DCAF17: variants seen among roughly 807,000 people sequenced by gnomAD.
DCAF17 encodes the protein DDB1 and CUL4 associated factor 17, also known as DDB1- and CUL4-associated factor 17.
DCAF17 carries 48 observed loss-of-function variants against 66.0 expected under a neutral mutation model. That is an observed-to-expected ratio of 0.73 (90% CI 0.58 to 0.92). The LOEUF (loss-of-function observed/expected upper bound fraction) is 0.92, where lower values mean the gene tolerates loss of function less well. Ranked by LOEUF, DCAF17 falls within the 40% of genes least tolerant of loss-of-function variation. The pLI is 0.00. For missense variants in DCAF17, 562 were observed against 622.8 expected (o/e 0.90, Z 1.04); for synonymous variants, 206 against 214.6 (o/e 0.96, Z 0.35).
intron 6 of DCAF17, among the ~76,000 whole-genome samples, chr2:171,455,042 T>C (rs557882558): frequency 9.2e-5 from 14 of 152,192 alleles, no homozygotes; most frequent in African/African-American, 3.4e-4. Flanking sequence ...GATAAACATG[T>C]GTCATGGGGG....
intron 8 of DCAF17, among the ~76,000 whole-genome samples, chr2:171,459,394 C>A (rs1695449230): frequency 6.6e-6 from 1 of 152,168 alleles, no homozygotes; most frequent in Admixed American, 6.6e-5. Context: ...GTTCAGAGTT[C>A]ATCTCAGGAA....
chr2:171,482,527 G>T lies in DCAF17; in HGVS notation c.*1413G>T, dbSNP rs533336462. The T allele has an allele frequency of 4.4e-6, 2 of 454,048 alleles. No individual in the cohort carries two copies. The highest frequency in any genetic ancestry group is 8.8e-6 in the Non-Finnish European group (2 of 226,774). 28.1% of individuals were successfully genotyped at this position (454,048 alleles called of 1,614,324 possible). ...TCTTGAAAAACAAGACCAGTAAGAG[G>T]CCAGTGAAAGTACTAAAGAAAGAAA... On this transcript the variant is annotated 3_prime_UTR_variant, in exon 14 of 14. Coordinates refer to ENST00000375255, the MANE Select transcript of DCAF17 (RefSeq NM_025000.4).
chr2:171,454,634 C>T (rs1695144002), intron 6 of DCAF17, among the ~76,000 whole-genome samples: 1 of 152,018 alleles, frequency 6.6e-6, no homozygotes, highest in South Asian at 2.1e-4. Context: ...CAGTGGCTCA[C>T]ACCTGTAATT....
At position 171,458,484 on chromosome 2, in the gene DCAF17, C is replaced by T. The variant is rs1427827976; in HGVS notation, c.838+7C>T. 6.3e-7 allele frequency: 1 copy of T among 1,595,574 alleles called. No homozygotes were observed. Among genetic ancestry groups the T allele is most frequent in the South Asian group, 1.1e-5 (1 of 90,724 alleles). ...TGTAATATTAAAATCACAGGTATGG[C>T]TACTCTATAGTATTTTTTCACCTTA... is the stretch of plus-strand genomic sequence containing the variant. On this transcript the variant is annotated splice_region_variant and intron_variant, in intron 8 of 13. Coordinates refer to ENST00000375255, the MANE Select transcript of DCAF17 (RefSeq NM_025000.4).
intron 6 of DCAF17, among the ~76,000 whole-genome samples, chr2:171,454,672 C>T (rs1423023157): frequency 1.3e-5 from 2 of 151,858 alleles, no homozygotes; most frequent in East Asian, 1.9e-4. Flanking sequence ...TGAGGCAGGC[C>T]GGTCATTTGA....
Position 171,449,859 on chromosome 2 carries a change from T to C in DCAF17, c.459-20T>C, listed in dbSNP as rs1694847352. On this transcript the variant is annotated intron_variant, in intron 4 of 13. Coordinates refer to ENST00000375255, the MANE Select transcript of DCAF17 (RefSeq NM_025000.4). ...GGAAACTGACCCAAATAAATAAACTTCTCTTCATTCTTTTAAAAGATACTT... is the reference window on the plus strand; with the variant it reads ...GGAAACTGACCCAAATAAATAAACTCCTCTTCATTCTTTTAAAAGATACTT... The C allele has an allele frequency of 1.9e-6, 3 of 1,603,020 alleles. No individual in the cohort carries two copies. Among genetic ancestry groups the C allele is most frequent in the African/African-American group, 1.3e-5 (1 of 74,716 alleles).
chr2:171,458,128 A>G, intron 7 of DCAF17, 53 bp downstream of exon 7: 2 of 1,516,174 alleles, frequency 1.3e-6, no homozygotes, highest in South Asian at 2.3e-5. Flanking sequence ...TTTCGACTAA[A>G]GTATGATTTT....
In DCAF17 at chr2:171,481,307, G is replaced by GT. The variant is rs1238447911; in HGVS notation, c.*199dup. ...GGTGAGGACTTCATTTTTTTTAAAG[G>GT]TTTTTTAGAATACTGTTCCAAGAAG... On this transcript the variant is annotated 3_prime_UTR_variant, in exon 14 of 14. Coordinates refer to ENST00000375255, the MANE Select transcript of DCAF17 (RefSeq NM_025000.4). The GT allele has an allele frequency of 2.8e-6, 2 of 714,872 alleles. No individual in the cohort carries two copies. Among genetic ancestry groups the GT allele is most frequent in the African/African-American group, 1.8e-5 (1 of 57,042 alleles). 44.3% of individuals were successfully genotyped at this position (714,872 alleles called of 1,614,324 possible). A position where few individuals can be genotyped will look rare whatever the true frequency, so the allele number is the denominator to read the frequency against.
At chr2:171,469,691 G>A (rs116027708) in intron 9 of DCAF17, among the ~76,000 whole-genome samples, 56 of 152,268 alleles carry the variant, frequency 3.7e-4, no homozygotes, top group African/African-American at 1.3e-3. Context: ...ACTCTTAAAG[G>A]AAACATGTAG....
At position 171,435,241 on chromosome 2, in the gene DCAF17, T is replaced by C; in HGVS notation, c.230+55T>C. ...TTCACCTCACTGTTGATCTTAACTATAATTTGTATAGAACCACATGCCTAC... is the reference window on the plus strand; with the variant it reads ...TTCACCTCACTGTTGATCTTAACTACAATTTGTATAGAACCACATGCCTAC... On this transcript the variant is annotated intron_variant, in intron 2 of 13. Coordinates refer to ENST00000375255, the MANE Select transcript of DCAF17 (RefSeq NM_025000.4). 3.0e-6 allele frequency: 4 copies of C among 1,329,994 alleles called. No individual in the cohort carries two copies. In the South Asian group the frequency reaches 4.7e-5, roughly 16 times the overall value. 82.4% of individuals were successfully genotyped at this position (1,329,994 alleles called of 1,614,324 possible).
At position 171,483,101 on chromosome 2, in the gene DCAF17, T is replaced by C. The variant is rs767557924; in HGVS notation, c.*1987T>C. 4.4e-6 allele frequency: 2 copies of C among 453,952 alleles called. No individual in the cohort carries two copies. Among genetic ancestry groups the C allele is most frequent in the East Asian group, 6.9e-5 (1 of 14,408 alleles). 28.1% of individuals were successfully genotyped at this position (453,952 alleles called of 1,614,324 possible). On this transcript the variant is annotated 3_prime_UTR_variant, in exon 14 of 14. Coordinates refer to ENST00000375255, the MANE Select transcript of DCAF17 (RefSeq NM_025000.4). ...TAGATGGTAAAAAGATGCCAGAAGA[T>C]ACAGAAGATAGCAAAGAATGTGGGG...
intron 8 of DCAF17, among the ~76,000 whole-genome samples, chr2:171,464,179 G>A (rs912311955): frequency 6.6e-6 from 1 of 152,126 alleles, no homozygotes; most frequent in Admixed American, 6.5e-5. Context: ...CTGATAGGGG[G>A]CCATTTTATT....
Position 171,473,849 on chromosome 2 carries a change from C to A in DCAF17, c.982-17C>A. ...TTTCCCTTAATCTTTGTCTTTAATA[C>A]TTTTTTCCAACTTCAGGCAAAAAAT... On this transcript the variant is annotated splice_polypyrimidine_tract_variant and intron_variant, in intron 9 of 13. Coordinates refer to ENST00000375255, the MANE Select transcript of DCAF17 (RefSeq NM_025000.4). 6.3e-7 allele frequency: 1 copy of A among 1,594,550 alleles called. No individual in the cohort carries two copies. Among genetic ancestry groups the A allele is most frequent in the Non-Finnish European group, 8.6e-7 (1 of 1,163,318 alleles).
intron 2 of DCAF17, among the ~76,000 whole-genome samples, chr2:171,441,882 G>A (rs1694323854): frequency 1.3e-5 from 2 of 152,174 alleles, no homozygotes; most frequent in South Asian, 4.1e-4. Flanking sequence ...TTTGTCCACA[G>A]AGCTCTTCAT....
chr2:171,455,517 G>T (rs1248731418), intron 6 of DCAF17, among the ~76,000 whole-genome samples: 2 of 152,150 alleles, frequency 1.3e-5, no homozygotes, highest in Non-Finnish European at 2.9e-5. Flanking sequence ...ATATCCCTTT[G>T]GATATATACC....
At chr2:171,454,812 G>A (rs927804114) in intron 6 of DCAF17, among the ~76,000 whole-genome samples, 6 of 151,590 alleles carry the variant, frequency 4.0e-5, no homozygotes, top group African/African-American at 1.5e-4. Context: ...TGGGAGAATC[G>A]CTTGAACCTA....
At chr2:171,435,861 C>T (rs1193441871) in intron 2 of DCAF17, among the ~76,000 whole-genome samples, 1 of 152,098 alleles carries the variant, frequency 6.6e-6, no homozygotes, top group Non-Finnish European at 1.5e-5. Flanking sequence ...TATATTTACC[C>T]ATTTAAAGTG....
chr2:171,439,292 G>C (rs1365321124), intron 2 of DCAF17, among the ~76,000 whole-genome samples: 3 of 151,766 alleles, frequency 2.0e-5, no homozygotes, highest in Admixed American at 2.0e-4. Context: ...CCATTATGTG[G>C]ATGTTATACC....
intron 8 of DCAF17, among the ~76,000 whole-genome samples, chr2:171,463,249 A>G (rs942557572): frequency 4.6e-5 from 7 of 151,752 alleles, no homozygotes; most frequent in Non-Finnish European, 1.0e-4. Flanking sequence ...AACAGAAAGA[A>G]GAATTCTTTT....
Sources: allele counts gnomAD v4.1 joint callset (sites outside exome capture counted in the v4.1 genomes callset), GRCh38; gene constraint gnomAD v4.1.1; transcripts MANE v1.5; gene names NCBI Gene and HGNC (gene_info 2026-07-23, HGNC 2026-07-21).